FRMD4A: variants seen among roughly 807,000 people sequenced by gnomAD.
FRMD4A encodes the protein FERM domain containing 4A, also known as FERM domain-containing protein 4A.
FRMD4A carries 29 observed loss-of-function variants against 129.1 expected under a neutral mutation model. The observed-to-expected ratio is 0.22, with a 90% CI of 0.17 to 0.31. The LOEUF is 0.31. Among genes scored for constraint, FRMD4A ranks in the 10% least tolerant of loss-of-function variants. FRMD4A has a pLI of 1.00. For synonymous variants in FRMD4A, 634 were observed against 571.6 expected, an observed-to-expected ratio of 1.11 and a Z score of -1.56; for missense variants, 1,272 against 1,375.8, an observed-to-expected ratio of 0.92 and a Z score of 1.19.
intron 2 of FRMD4A, among the ~76,000 whole-genome samples, chr10:13,894,161 G>A (rs1009735765): frequency 1.3e-5 from 2 of 152,108 alleles, no homozygotes; most frequent in Non-Finnish European, 2.9e-5. Flanking sequence ...ACTGCTGGGC[G>A]CCAGGCATAC....
chr10:13,654,570 A>C (rs10906442), intron 22 of FRMD4A, 58 bp from the exon 23 acceptor site: 1 of 1,136,052 alleles, frequency 8.8e-7, no homozygotes, highest in African/African-American at 1.5e-5. Flanking sequence ...CACAGGTGAA[A>C]GAGCTTGCGA....
chr10:13,944,080 A>G (rs1040826990), intron 2 of FRMD4A, among the ~76,000 whole-genome samples: 11 of 152,226 alleles, frequency 7.2e-5, no homozygotes, highest in African/African-American at 2.7e-4. Context: ...GTGAATACCT[A>G]AACCATCAGA....
chr10:13,696,072 T>C (rs1490702896), intron 14 of FRMD4A, among the ~76,000 whole-genome samples: 1 of 152,236 alleles, frequency 6.6e-6, no homozygotes. Context: ...TTTCCTCGAC[T>C]TATGCTTCCT....
At chr10:13,908,917 A>G (rs2094911197) in intron 2 of FRMD4A, among the ~76,000 whole-genome samples, 1 of 152,204 alleles carries the variant, frequency 6.6e-6, no homozygotes, top group African/African-American at 2.4e-5. Context: ...TCTAAAATTT[A>G]TGTGGGAATC....
chr10:14,292,142 T>C (rs150215132), intron 2 of FRMD4A, among the ~76,000 whole-genome samples: 1 of 152,354 alleles, frequency 6.6e-6, no homozygotes. Flanking sequence ...TGCAATTCCA[T>C]TGAAAATTCC....
At chr10:13,966,435 C>T (rs546489037) in intron 2 of FRMD4A, among the ~76,000 whole-genome samples, 4 of 152,268 alleles carry the variant, frequency 2.6e-5, no homozygotes, top group East Asian at 3.9e-4. Context: ...TAATAGAAGC[C>T]GCAGGCCCTG....
chr10:14,204,870 C>T (rs1012180789), intron 2 of FRMD4A, among the ~76,000 whole-genome samples: 4 of 151,978 alleles, frequency 2.6e-5, no homozygotes, highest in Admixed American at 6.6e-5. Context: ...CTATTGAACG[C>T]GAAAGCACTG....
At chr10:14,017,790 A>AT (rs1466825248) in intron 2 of FRMD4A, among the ~76,000 whole-genome samples, 1 of 152,126 alleles carries the variant, frequency 6.6e-6, no homozygotes, top group Non-Finnish European at 1.5e-5. Flanking sequence ...CACGTGGTAT[A>AT]TTTTCCCAAA....
intron 2 of FRMD4A, among the ~76,000 whole-genome samples, chr10:14,045,553 T>C (rs1833952554): frequency 6.6e-6 from 1 of 151,028 alleles, no homozygotes; most frequent in Non-Finnish European, 1.5e-5. Context: ...GAATAATATG[T>C]ATGTGAATAC....
chr10:13,971,799 T>C (rs747326121), intron 2 of FRMD4A: 1 of 1,304,404 alleles, frequency 7.7e-7, no homozygotes, highest in South Asian at 1.2e-5. Context: ...CCAGCAGCCA[T>C]GCCAGCCCCA....
At chr10:13,846,255 G>C (rs576591439) in intron 3 of FRMD4A, among the ~76,000 whole-genome samples, 2 of 152,176 alleles carry the variant, frequency 1.3e-5, no homozygotes, top group African/African-American at 4.8e-5. Flanking sequence ...AGTAATTGTG[G>C]TTTTTGCCAT....
At chr10:13,719,839 C>T (rs2089250175) in intron 12 of FRMD4A, among the ~76,000 whole-genome samples, 1 of 152,182 alleles carries the variant, frequency 6.6e-6, no homozygotes, top group Non-Finnish European at 1.5e-5. Context: ...TGCAGTACTC[C>T]AGCAATTCAC....
At chr10:14,231,821 C>T (rs553550773) in intron 2 of FRMD4A, among the ~76,000 whole-genome samples, 8 of 152,158 alleles carry the variant, frequency 5.3e-5, no homozygotes, top group Admixed American at 2.0e-4. Context: ...TATAGATGCT[C>T]GATATTAGAC....
chr10:13,704,742 GTTTC>G (rs529037610), intron 13 of FRMD4A, among the ~76,000 whole-genome samples: 255 of 152,248 alleles, frequency 1.7e-3, no homozygotes, highest in African/African-American at 5.8e-3. Flanking sequence ...TCTAGAGCAG[GTTTC>G]TTTGTTTCTT....
At chr10:14,274,257 C>T (rs1400092945) in intron 2 of FRMD4A, among the ~76,000 whole-genome samples, 2 of 152,220 alleles carry the variant, frequency 1.3e-5, no homozygotes, top group African/African-American at 4.8e-5. Context: ...GATGGCAGAA[C>T]TTGACGACAA....
intron 2 of FRMD4A, among the ~76,000 whole-genome samples, chr10:14,076,898 G>T (rs1486285272): frequency 2.0e-5 from 3 of 152,194 alleles, no homozygotes; most frequent in African/African-American, 7.2e-5. Flanking sequence ...CACAAGTCAG[G>T]GAGTTGGAGG....
At position 13,670,507 on chromosome 10, in the gene FRMD4A, C is replaced by T. The variant is rs777797231; in HGVS notation, c.1273G>A (p.Val425Ile). ...TCCCCTGGATCCAGGGGATATTCTA[C>T]TGGCAGCTTGCCCGTGAGCTCCTGC... The part of the protein sequence containing the change: ...REAELTGKLP[V>I]EYPLDPGEEP... The change falls in exon 17 of 25, where the codon GTA (valine) becomes ATA (isoleucine). Residue 425 changes from valine to isoleucine, a missense_variant. Val to Ile is a conservative substitution (Grantham distance 29). Coordinates refer to ENST00000357447, the MANE Select transcript of FRMD4A (RefSeq NM_018027.5). 2 of 1,613,464 alleles carry T rather than the reference C, an allele frequency of 1.2e-6. No homozygotes were observed. Among genetic ancestry groups the T allele is most frequent in the Non-Finnish European group, 1.7e-6 (2 of 1,179,580 alleles).
At chr10:13,864,503 C>A (rs1440905136) in intron 2 of FRMD4A, among the ~76,000 whole-genome samples, 12 of 151,802 alleles carry the variant, frequency 7.9e-5, no homozygotes, top group South Asian at 6.2e-4. Context: ...TTTGGTTTAG[C>A]CACTTGTTGA....
chr10:13,858,268 A>C (rs190942437), intron 3 of FRMD4A, among the ~76,000 whole-genome samples: 54 of 152,222 alleles, frequency 3.5e-4, no homozygotes, highest in Non-Finnish European at 6.8e-4. Flanking sequence ...ACCCCGTCTC[A>C]ACTAAAAATA....
Sources: gnomAD v4.1 joint callset for allele counts (sites outside exome capture counted in the v4.1 genomes callset) on GRCh38, gnomAD v4.1.1 for gene constraint, MANE v1.5 for transcripts, NCBI Gene and HGNC (gene_info 2026-07-23, HGNC 2026-07-21) for gene names.